FUT8: variants seen among roughly 807,000 people sequenced by gnomAD.
The protein encoded by FUT8 is alpha-(1,6)-fucosyltransferase.
FUT8 carries 29 observed loss-of-function variants against 71.3 expected under a neutral mutation model. The ratio of observed to expected loss-of-function variants is 0.41; its 90% CI spans 0.30 to 0.55. The LOEUF (loss-of-function observed/expected upper bound fraction) is 0.55, where lower values mean the gene tolerates loss of function less well. FUT8 is among the 20% of genes least tolerant of loss of function. The pLI is 0.34. For missense variants in FUT8, 544 were observed against 702.1 expected (o/e 0.77, Z 2.55); for synonymous variants, 254 against 239.3 (o/e 1.06, Z -0.57).
chr14:65,694,948 A>G (rs1594907129), intron 7 of FUT8, among the ~76,000 whole-genome samples: 2 of 151,908 alleles, frequency 1.3e-5, no homozygotes, highest in East Asian at 1.9e-4. Flanking sequence ...ATGCTAAGTG[A>G]CAAGTTAATG....
At chr14:65,562,498 T>C (rs1185629490) in intron 3 of FUT8, among the ~76,000 whole-genome samples, 2 of 152,260 alleles carry the variant, frequency 1.3e-5, no homozygotes, top group Non-Finnish European at 2.9e-5. Context: ...AAGTCTCCTA[T>C]ATATTTTCAG....
At chr14:65,621,890 T>C (rs1196121131) in intron 5 of FUT8, among the ~76,000 whole-genome samples, 1 of 152,148 alleles carries the variant, frequency 6.6e-6, no homozygotes, top group African/African-American at 2.4e-5. Context: ...AGTGGCACGA[T>C]CTTGGCTCAC....
chr14:65,647,087 G>C (rs1891155918), intron 6 of FUT8, among the ~76,000 whole-genome samples: 1 of 152,190 alleles, frequency 6.6e-6, no homozygotes, highest in Non-Finnish European at 1.5e-5. Flanking sequence ...CTCTGTGAAA[G>C]GTTCGCACTG....
rs1366228594 is a variant in FUT8 at position 65,607,008 on chromosome 14, C to G, written c.204-8970C>G. Among the ~76,000 whole-genome samples, 1 of 151,852 alleles carries G rather than the reference C, an allele frequency of 6.6e-6. No homozygotes were observed. Among genetic ancestry groups the G allele is most frequent in the Non-Finnish European group, 1.5e-5 (1 of 67,882 alleles). ...TGTAAATGTGATATTTTAAAAAACACATTTAGTAATTTGTGGTTGTTGTTG... is the reference window on the plus strand; with the variant it reads ...TGTAAATGTGATATTTTAAAAAACAGATTTAGTAATTTGTGGTTGTTGTTG... On this transcript the variant is annotated intron_variant, in intron 3 of 10. Coordinates refer to ENST00000673929, the MANE Select transcript of FUT8 (RefSeq NM_001371533.1). This position sits in a 1 kb window ranked among gnomAD's most constrained non-coding sequence, Gnocchi z 4.1.
At chr14:65,484,634 A>C (rs1366724980) in intron 2 of FUT8, among the ~76,000 whole-genome samples, 1 of 152,076 alleles carries the variant, frequency 6.6e-6, no homozygotes, top group Non-Finnish European at 1.5e-5. Context: ...AGATCATGCC[A>C]CTGCACTCCA....
chr14:65,584,550 C>T (rs1172415643), intron 3 of FUT8, among the ~76,000 whole-genome samples: 1 of 152,146 alleles, frequency 6.6e-6, no homozygotes, highest in African/African-American at 2.4e-5. Flanking sequence ...TACTGTCTAT[C>T]ACTGTTGCTG....
intron 3 of FUT8, among the ~76,000 whole-genome samples, chr14:65,577,049 T>C (rs1297328620): frequency 6.6e-6 from 1 of 151,848 alleles, no homozygotes; most frequent in Non-Finnish European, 1.5e-5. Context: ...GGGGTCTCCC[T>C]ATGTTGCCCA....
chr14:65,542,194 CGT>C (rs765360666), intron 2 of FUT8, among the ~76,000 whole-genome samples: 9 of 152,144 alleles, frequency 5.9e-5, no homozygotes, highest in Non-Finnish European at 1.3e-4. Flanking sequence ...GAGAGACCAG[CGT>C]AATAGGAATT....
chr14:65,557,620 T>C (rs866801800), intron 2 of FUT8, among the ~76,000 whole-genome samples: 1 of 149,726 alleles, frequency 6.7e-6, no homozygotes, highest in Non-Finnish European at 1.5e-5. Context: ...TGTGAGTCAC[T>C]GTGCCCAGCC....
chr14:65,611,842 A>G (rs886423519), intron 3 of FUT8, among the ~76,000 whole-genome samples: 1 of 151,894 alleles, frequency 6.6e-6, no homozygotes, highest in Non-Finnish European at 1.5e-5. Flanking sequence ...TGTATTTTTC[A>G]TAGAGACAGT....
the FUT8 span, among the ~76,000 whole-genome samples, chr14:65,368,553 G>C: frequency 1.6e-5 from 2 of 127,674 alleles, no homozygotes; most frequent in East Asian, 7.0e-4. Context: ...GATGGAGTCT[G>C]GCTCTGTCGC....
chr14:65,531,934 C>T (rs573545607), intron 2 of FUT8, among the ~76,000 whole-genome samples: 1 of 152,304 alleles, frequency 6.6e-6, no homozygotes, highest in East Asian at 1.9e-4. Context: ...ATCCATGTTA[C>T]TGCAAAGTAC....
At chr14:65,671,308 T>C (rs1742484599) in intron 7 of FUT8, among the ~76,000 whole-genome samples, 1 of 152,218 alleles carries the variant, frequency 6.6e-6, no homozygotes, top group South Asian at 2.1e-4. Context: ...TTTTTAATCC[T>C]TACTTGTACA....
intron 1 of FUT8, among the ~76,000 whole-genome samples, chr14:65,418,217 A>G (rs1225330834): frequency 6.6e-6 from 1 of 152,188 alleles, no homozygotes; most frequent in African/African-American, 2.4e-5. Context: ...TAAAATGAAA[A>G]TGGGAGAGTC....
Position 65,483,330 on chromosome 14 carries a change from T to C in FUT8, c.-228+27612T>C, listed in dbSNP as rs1293924733. On this transcript the variant is annotated intron_variant, in intron 2 of 10. Coordinates refer to ENST00000673929, the MANE Select transcript of FUT8 (RefSeq NM_001371533.1). This position sits in a 1 kb window ranked among gnomAD's most constrained non-coding sequence, Gnocchi z 4.4. ...GGGAGCATTGGCTACTCTTAAGAGT[T>C]CTCTTTATTTCTCATTAGTTAATTA... Among the ~76,000 whole-genome samples the C allele has an allele frequency of 1.3e-5, 2 of 152,232 alleles. No individual in the cohort carries two copies. Among genetic ancestry groups the C allele is most frequent in the Non-Finnish European group, 2.9e-5 (2 of 68,042 alleles).
At chr14:65,615,115 G>C (rs975738400) in intron 3 of FUT8, among the ~76,000 whole-genome samples, 1 of 151,702 alleles carries the variant, frequency 6.6e-6, no homozygotes, top group Non-Finnish European at 1.5e-5. Context: ...TTATTTTTTC[G>C]AGACAGGGTT....
At position 65,497,245 on chromosome 14, in the gene FUT8, T is replaced by C. The variant is rs78767003; in HGVS notation, c.-228+41527T>C. ...ATGTTCCTAAGATGAAAGATGGGAATGGGCATTTTGATCAGATCTGAAGGA... is the reference window on the plus strand; with the variant it reads ...ATGTTCCTAAGATGAAAGATGGGAACGGGCATTTTGATCAGATCTGAAGGA... On this transcript the variant is annotated intron_variant, in intron 2 of 10. Coordinates refer to ENST00000673929, the MANE Select transcript of FUT8 (RefSeq NM_001371533.1). Among the ~76,000 whole-genome samples, 879 of 152,322 alleles carry C rather than the reference T, an allele frequency of 5.8e-3. 34 individuals are homozygous for C. In the East Asian group the frequency reaches 0.093, roughly 16 times the overall value.
At chr14:65,406,350 T>C (rs1027733297), upstream of FUT8, among the ~76,000 whole-genome samples, 3 of 152,186 alleles carry the variant, frequency 2.0e-5, no homozygotes, top group Non-Finnish European at 4.4e-5. Flanking sequence ...CAAGGTCAGA[T>C]TGTAACTGAG....
chr14:65,371,238 A>G, the FUT8 span, among the ~76,000 whole-genome samples: 1 of 152,250 alleles, frequency 6.6e-6, no homozygotes, highest in African/African-American at 2.4e-5. Context: ...CACAGTGTAC[A>G]GAACTTTTCT....
Sources: gnomAD v4.1 joint callset for allele counts (sites outside exome capture counted in the v4.1 genomes callset) on GRCh38, gnomAD v4.1.1 for gene constraint, Gnocchi (gnomAD v3.1) non-coding constraint, MANE v1.5 for transcripts, NCBI Gene and HGNC (gene_info 2026-07-23, HGNC 2026-07-21) for gene names.